Variants in GPR176 observed in about 807,000 individuals in gnomAD.
GPR176 encodes the protein G protein-coupled receptor 176.
Under a neutral mutation model 35.4 loss-of-function variants are expected in GPR176, and 26 were observed. The ratio of observed to expected loss-of-function variants is 0.74; its 90% confidence interval spans 0.54 to 1.02. GPR176 has a LOEUF of 1.02. GPR176 is among the 50% of genes least tolerant of loss of function. The pLI, the probability that GPR176 is intolerant of heterozygous loss-of-function variation, is 0.00. For synonymous variants in GPR176, 278 were observed against 271.3 expected, an observed-to-expected ratio of 1.02 and a Z score of -0.24; for missense variants, 597 against 665.3, an observed-to-expected ratio of 0.90 and a Z score of 1.13.
rs552012947 is a variant in GPR176, at chr15:39,875,502, G to A, written c.172+44353C>T. The stretch of plus-strand genomic sequence containing the variant: ...GAACTGCATATGTTCTCACATACAA[G>A]CAAAATTGACTCATTTGTAAATATT... On this transcript the variant is annotated intron_variant, in intron 1 of 2. Coordinates refer to ENST00000561100, the MANE Select transcript of GPR176 (RefSeq NM_007223.3). Among the ~76,000 whole-genome samples the A allele has an allele frequency of 5.3e-5, 8 of 152,220 alleles. No individual in the cohort carries two copies. In the East Asian group the frequency reaches 7.7e-4, roughly 15 times the overall value.
intron 1 of GPR176, among the ~76,000 whole-genome samples, chr15:39,809,929 A>C (rs1899433618): frequency 6.6e-6 from 1 of 152,052 alleles, no homozygotes; most frequent in African/African-American, 2.4e-5. Context: ...GCGGATCACG[A>C]GGTCAGGAGA....
At chr15:39,898,593 T>C (rs1036732618) in intron 1 of GPR176, among the ~76,000 whole-genome samples, 1 of 151,934 alleles carries the variant, frequency 6.6e-6, no homozygotes. Context: ...AAGAGAATAA[T>C]GTACCCTGGG....
intron 1 of GPR176, among the ~76,000 whole-genome samples, chr15:39,917,288 C>CA (rs1008123120): frequency 5.5e-4 from 70 of 126,984 alleles, no homozygotes; most frequent in Admixed American, 1.8e-3. Flanking sequence ...AACTCCGTCT[C>CA]AAAAAAAAAA....
At chr15:39,900,935 G>A (rs963192410) in intron 1 of GPR176, among the ~76,000 whole-genome samples, 1 of 152,244 alleles carries the variant, frequency 6.6e-6, no homozygotes, top group Admixed American at 6.5e-5. Flanking sequence ...AAGTATTCCA[G>A]CTGCTCCTCC....
intron 1 of GPR176, among the ~76,000 whole-genome samples, chr15:39,861,274 G>A (rs962088035): frequency 2.0e-5 from 3 of 152,058 alleles, no homozygotes; most frequent in Admixed American, 6.5e-5. Context: ...AGTTTAGCCC[G>A]GGCATGGTGG....
intron 1 of GPR176, among the ~76,000 whole-genome samples, chr15:39,838,107 A>G (rs1439443510): frequency 6.6e-6 from 1 of 152,188 alleles, no homozygotes; most frequent in Non-Finnish European, 1.5e-5. Flanking sequence ...TCATAGATGC[A>G]TTAAGTTTCT....
At chr15:39,911,765 T>C (rs1432663488) in intron 1 of GPR176, among the ~76,000 whole-genome samples, 5 of 152,232 alleles carry the variant, frequency 3.3e-5, no homozygotes, top group Admixed American at 3.3e-4. Flanking sequence ...TATTTATACT[T>C]AGTTTCCTTT....
At chr15:39,859,491 G>GAA (rs34571204) in intron 1 of GPR176, among the ~76,000 whole-genome samples, 2,925 of 143,456 alleles carry the variant, frequency 0.02, 93 homozygotes, top group East Asian at 0.055. Flanking sequence ...TGGCCACTGT[G>GAA]AAAAAAAAAA....
intron 1 of GPR176, among the ~76,000 whole-genome samples, chr15:39,840,674 T>C (rs529967088): frequency 1.3e-5 from 2 of 152,238 alleles, no homozygotes; most frequent in South Asian, 4.1e-4. Flanking sequence ...TATTTGACAT[T>C]GTCAATGTAA....
chr15:39,876,820 AAG>A (rs796616426), intron 1 of GPR176, among the ~76,000 whole-genome samples: 30 of 150,024 alleles, frequency 2.0e-4, no homozygotes, highest in South Asian at 4.2e-4. Flanking sequence ...CTGTTACAAA[AAG>A]AGAGAGAGAG....
intron 1 of GPR176, among the ~76,000 whole-genome samples, chr15:39,829,810 A>G (rs1900945683): frequency 1.3e-5 from 2 of 152,170 alleles, no homozygotes; most frequent in Non-Finnish European, 2.9e-5. Context: ...AGTTGGCATG[A>G]GTACAACAGT....
intron 1 of GPR176, among the ~76,000 whole-genome samples, chr15:39,874,545 T>C (rs1375892939): frequency 6.6e-6 from 1 of 152,236 alleles, no homozygotes; most frequent in African/African-American, 2.4e-5. Context: ...TGTTACATGG[T>C]CTGCAGTTTG....
chr15:39,886,434 C>A (rs28709379), intron 1 of GPR176, among the ~76,000 whole-genome samples: 7,292 of 152,052 alleles, frequency 0.048, 543 homozygotes, highest in African/African-American at 0.16. Flanking sequence ...CATCCCCCAC[C>A]CCCATCTTGA....
rs1595425543 is a variant in GPR176, at chr15:39,801,063, C to T, written c.*69G>A. 13 of 1,340,386 alleles carry T rather than the reference C, an allele frequency of 9.7e-6. No homozygotes were observed. In the East Asian group the frequency reaches 2.5e-4, roughly 26 times the overall value. The allele number at this position is 1,340,386 out of a possible 1,614,324, so 83.0% of individuals were successfully genotyped here. A position where few individuals can be genotyped will look rare whatever the true frequency, so the allele number is the denominator to read the frequency against. ...GCAAGGAGATCATACAATCACATGG[C>T]CACAGCATTCCCACACTCTGGTGGG... On this transcript the variant is annotated 3_prime_UTR_variant, in exon 3 of 3. Coordinates refer to ENST00000561100, the MANE Select transcript of GPR176 (RefSeq NM_007223.3).
chr15:39,821,901 G>T (rs1900299008), intron 1 of GPR176, among the ~76,000 whole-genome samples: 1 of 152,224 alleles, frequency 6.6e-6, no homozygotes, highest in African/African-American at 2.4e-5. Flanking sequence ...CATAGTCAAT[G>T]AAGTCGATAT....
rs73399128 is a variant in GPR176, at chr15:39,859,325, A to T, written c.173-52067T>A. The stretch of plus-strand genomic sequence containing the variant: ...TTCCTAACAACACAACAACAAAAAT[A>T]ACCTGATTAAAAAAAGGAAAAGGAC... On this transcript the variant is annotated intron_variant, in intron 1 of 2. Transcript: ENST00000561100. Among the ~76,000 whole-genome samples, 1,020 of 152,236 alleles carry T rather than the reference A, an allele frequency of 6.7e-3. 9 individuals are homozygous for T. Among genetic ancestry groups the T allele is most frequent in the African/African-American group, 0.023 (959 of 41,564 alleles).
intron 1 of GPR176, among the ~76,000 whole-genome samples, chr15:39,894,225 T>C (rs1165643707): frequency 1.4e-4 from 16 of 118,128 alleles, no homozygotes; most frequent in Admixed American, 1.1e-3. Context: ...GAGGCGCCCC[T>C]CACCTCCCGG....
At position 39,811,312 on chromosome 15, in the gene GPR176, C is replaced by T. The variant is rs774516630; in HGVS notation, c.173-4054G>A. Among the ~76,000 whole-genome samples the T allele has an allele frequency of 5.5e-4, 84 of 152,176 alleles. 1 individual carries two copies. Among genetic ancestry groups the T allele is most frequent in the Admixed American group, 2.6e-3 (40 of 15,286 alleles). On this transcript the variant is annotated intron_variant, in intron 1 of 2. Transcript: ENST00000561100. ...CCAAGTGGCCGAGACTACAGATGCA[C>T]GCCACTCTACCCAGCTAGAACATTT...
rs749497622 is a variant in GPR176 at position 39,801,994 on chromosome 15, C to T, written c.686G>A (p.Arg229Gln). Residue 229 changes from arginine (R) to glutamine (Q), a missense_variant, in exon 3 of 3, where the codon CGA (arginine) becomes CAA (glutamine). Arg to Gln is a conservative substitution (Grantham distance 43). This residue lies in a region of GPR176 where 220 missense variants were observed against 297.6 expected (regional missense o/e 0.74). Transcript: ENST00000561100. ...CTTCTGGCTGGCACTCAGGGCCCGT[C>T]GGATCAGTATCAAGAAGAGGAACAC... ...VVVFLFLILI[R>Q]RALSASQKKK... The T allele has an allele frequency of 4.1e-5, 66 of 1,613,902 alleles. 1 individual carries two copies. The South Asian group carries it at 6.4e-4, about 16-fold the overall frequency.
Sources: gnomAD v4.1 joint callset for allele counts (sites outside exome capture counted in the v4.1 genomes callset) on GRCh38, gnomAD v4.1.1 for gene constraint, gnomAD v4.1.1 regional missense constraint, MANE v1.5 for transcripts, NCBI Gene and HGNC (gene_info 2026-07-23, HGNC 2026-07-21) for gene names.